The following KLRF1 variants were observed in gnomAD, a reference collection of about 807,000 sequenced individuals.
KLRF1 encodes the protein killer cell lectin like receptor F1, also known as killer cell lectin-like receptor subfamily F member 1.
Under a neutral mutation model 30.7 loss-of-function variants are expected in KLRF1, and 27 were observed. The ratio of observed to expected loss-of-function variants is 0.88; its 90% CI spans 0.65 to 1.21. The LOEUF is 1.21. Among genes scored for constraint, KLRF1 ranks in the 50% most tolerant of loss-of-function variants. The probability of loss-of-function intolerance (pLI) is 0.00; values close to 1 mark genes in which losing one functional copy is unlikely to be tolerated. For synonymous variants in KLRF1, 92 were observed against 89.3 expected (o/e 1.03, Z -0.17); for missense variants, 246 against 259.3 (o/e 0.95, Z 0.35).
rs980385411 is a variant in KLRF1, at chr12:9,844,600, A to G, written c.*74A>G. Reference sequence around the variant, plus strand: ...CTATTAGTTTCTAATATTAATCTCCAGGTGTAAGATTTTAAAGTGCAATTA... The same window carrying G: ...CTATTAGTTTCTAATATTAATCTCCGGGTGTAAGATTTTAAAGTGCAATTA... On this transcript the variant is annotated 3_prime_UTR_variant, in exon 6 of 6. Coordinates refer to ENST00000617889, the MANE Select transcript of KLRF1 (RefSeq NM_016523.3). The G allele has an allele frequency of 1.3e-6, 1 of 779,204 alleles. No homozygotes were observed. The highest frequency in any genetic ancestry group is 1.6e-5 in the South Asian group (1 of 63,736). 48.3% of individuals were successfully genotyped at this position (779,204 alleles called of 1,614,324 possible).
chr12:9,810,463 C>T, the KLRF1 span, among the ~76,000 whole-genome samples: 5 of 152,224 alleles, frequency 3.3e-5, no homozygotes, highest in South Asian at 2.1e-4. Context: ...TAAATTTTCA[C>T]CTATAGTTTA....
At chr12:9,821,147 T>C in the KLRF1 span, among the ~76,000 whole-genome samples, 116 of 151,974 alleles carry the variant, frequency 7.6e-4, no homozygotes, top group African/African-American at 2.4e-3. Context: ...ACAGACACCA[T>C]AGGGAGAGGA....
At chr12:9,801,789 TC>T in the KLRF1 span, among the ~76,000 whole-genome samples, 2 of 152,104 alleles carry the variant, frequency 1.3e-5, no homozygotes, top group Non-Finnish European at 2.9e-5. Flanking sequence ...TGTCTCCCAT[TC>T]TGTAGGTTGC....
the KLRF1 span, among the ~76,000 whole-genome samples, chr12:9,813,450 G>A: frequency 1.3e-5 from 2 of 151,996 alleles, no homozygotes; most frequent in East Asian, 1.9e-4. Flanking sequence ...GAGTACAAGC[G>A]CAGGCCCCCA....
At chr12:9,843,291 T>C (rs530725652) in intron 5 of KLRF1, among the ~76,000 whole-genome samples, 4 of 152,164 alleles carry the variant, frequency 2.6e-5, no homozygotes, top group Non-Finnish European at 4.4e-5. Flanking sequence ...GACGTTTTGA[T>C]CTTAGCCCTG....
chr12:9,841,930 C>T lies in KLRF1; in HGVS notation c.453C>T (p.Ile151=). 1 of 1,611,596 alleles carries T rather than the reference C, an allele frequency of 6.2e-7. No homozygotes were observed. The highest frequency in any genetic ancestry group is 1.1e-5 in the South Asian group (1 of 90,774). Residue 151 remains isoleucine, a synonymous_variant, in exon 4 of 6, where the codon ATC becomes ATT. Transcript: ENST00000617889. ...TGGAAAGAAAATCTCATCTACTAAT[C>T]ATACATGACCAACTTGAAATGGTAA... ...YCLERKSHLL[I]IHDQLEMAFI... is the part of the protein sequence containing the mutation.
the KLRF1 span, among the ~76,000 whole-genome samples, chr12:9,818,508 A>T: frequency 2.0e-5 from 3 of 152,182 alleles, no homozygotes; most frequent in Non-Finnish European, 2.9e-5. Flanking sequence ...ACATTCTGTA[A>T]CTCTTAAGTA....
chr12:9,818,981 G>A, the KLRF1 span, among the ~76,000 whole-genome samples: 2 of 152,172 alleles, frequency 1.3e-5, no homozygotes, highest in African/African-American at 2.4e-5. Flanking sequence ...AAGGCAGGAC[G>A]ACTGCCCACC....
At chr12:9,817,671 T>C in the KLRF1 span, 1 of 255,534 alleles carries the variant, frequency 3.9e-6, no homozygotes, top group Non-Finnish European at 8.2e-6. Context: ...GGTCTTTGCC[T>C]TCCTCTTCCT....
chr12:9,837,855 T>G (rs1867613931), intron 3 of KLRF1, among the ~76,000 whole-genome samples: 1 of 152,162 alleles, frequency 6.6e-6, no homozygotes, highest in African/African-American at 2.4e-5. Context: ...TGTCTGCTAA[T>G]TCTACAAATA....
intron 3 of KLRF1, among the ~76,000 whole-genome samples, chr12:9,839,065 T>A (rs975712123): frequency 1.3e-5 from 2 of 152,040 alleles, no homozygotes; most frequent in African/African-American, 4.8e-5. Context: ...TTACTCAGTT[T>A]GGGGTGCCAC....
intron 5 of KLRF1, among the ~76,000 whole-genome samples, chr12:9,842,658 A>G (rs753154781): frequency 2.3e-4 from 35 of 152,250 alleles, no homozygotes; most frequent in African/African-American, 7.9e-4. Flanking sequence ...CACACTTTAT[A>G]TAGAAAAGTA....
chr12:9,822,809 A>C (rs1225503662), upstream of KLRF1, among the ~76,000 whole-genome samples: 4 of 152,214 alleles, frequency 2.6e-5, no homozygotes, highest in Non-Finnish European at 4.4e-5. Context: ...AAAAAAAAAC[A>C]GGGTTTGCAA....
chr12:9,844,085 G>C (rs892174255), intron 5 of KLRF1, among the ~76,000 whole-genome samples: 2 of 152,008 alleles, frequency 1.3e-5, no homozygotes, highest in African/African-American at 4.8e-5. Flanking sequence ...GATATAAGAA[G>C]GCAAGAGAGG....
At chr12:9,835,593 A>C (rs1313091530) in intron 3 of KLRF1, among the ~76,000 whole-genome samples, 1 of 152,070 alleles carries the variant, frequency 6.6e-6, no homozygotes, top group Non-Finnish European at 1.5e-5. Context: ...AATTACTGCT[A>C]ATATTTTTAA....
the KLRF1 span, among the ~76,000 whole-genome samples, chr12:9,822,353 T>C: frequency 6.6e-6 from 1 of 152,136 alleles, no homozygotes; most frequent in South Asian, 2.1e-4. Flanking sequence ...GAAAACACAT[T>C]ACAAGAATTT....
chr12:9,833,318 T>C lies in KLRF1; in HGVS notation c.200T>C (p.Leu67Ser), dbSNP rs1279642420. 2 of 1,602,732 alleles carry C rather than the reference T, an allele frequency of 1.2e-6. No individual in the cohort carries two copies. Among genetic ancestry groups the C allele is most frequent in the Admixed American group, 1.7e-5 (1 of 58,098 alleles). Residue 67 changes from leucine (L) to serine (S), a missense_variant, in exon 3 of 6, where the codon TTG becomes TCG. Physicochemically the swap from Leu to Ser is moderately radical, Grantham distance 145 (BLOSUM62 -2). Transcript: ENST00000617889. The stretch of plus-strand genomic sequence containing the variant: ...TGTATTCAAGTTTCTCAGGGAGTAT[T>C]GCTAAAATGCCAAAAAGGAAGTTGT... ...SLILLVSQGV[L>S]LKCQKGSCSN...
intron 1 of KLRF1, among the ~76,000 whole-genome samples, chr12:9,829,631 A>G (rs774414212): frequency 1.2e-4 from 19 of 152,296 alleles, no homozygotes; most frequent in Non-Finnish European, 1.9e-4. Flanking sequence ...ATGGTGGCAC[A>G]TGCCTGTAGT....
chr12:9,844,468 A>T lies in KLRF1; in HGVS notation c.638A>T (p.Glu213Val), dbSNP rs750001386. The T allele has an allele frequency of 6.2e-7, 1 of 1,611,500 alleles. No homozygotes were observed. The highest frequency in any genetic ancestry group is 1.1e-5 in the South Asian group (1 of 90,976). Residue 213 changes from glutamate (E) to valine (V), a missense_variant, in exon 6 of 6, where the codon GAA (glutamate) becomes GTA (valine). Physicochemically the swap from Glu to Val is moderately radical, Grantham distance 121. Transcript: ENST00000617889. ...AKENSCAAIK[E>V]SKIFSETCSS... ...GAAAACAGCTGTGCTGCCATTAAGG[A>T]AAGCAAAATTTTCTCTGAAACCTGC...
Sources: allele counts gnomAD v4.1 joint callset (sites outside exome capture counted in the v4.1 genomes callset), GRCh38; gene constraint gnomAD v4.1.1; transcripts MANE v1.5; gene names NCBI Gene and HGNC (gene_info 2026-07-23, HGNC 2026-07-21).